The following LOXHD1 variants were observed in gnomAD, a reference collection of about 807,000 sequenced individuals.
LOXHD1 encodes the protein lipoxygenase homology domain-containing protein 1.
LOXHD1 carries 205 observed loss-of-function variants against 248.2 expected under a neutral mutation model. That is an observed-to-expected ratio of 0.83 (90% CI 0.74 to 0.93). The LOEUF (loss-of-function observed/expected upper bound fraction) is 0.93. Among genes scored for constraint, LOXHD1 ranks in the 40% least tolerant of loss-of-function variants. LOXHD1 has a pLI of 0.00. For synonymous variants in LOXHD1, 1,113 were observed against 1,162.8 expected, an observed-to-expected ratio of 0.96 and a Z score of 0.87; for missense variants, 2,930 against 2,971.6, an observed-to-expected ratio of 0.99 and a Z score of 0.33.
At chr18:46,555,009 G>T in intron 21 of LOXHD1, 2 of 351,638 alleles carry the variant, frequency 5.7e-6, no homozygotes, top group Non-Finnish European at 1.2e-5. Flanking sequence ...TATTTTTAAA[G>T]AATAATGAAG....
intron 4 of LOXHD1, among the ~76,000 whole-genome samples, chr18:46,629,280 A>T (rs1234370210): frequency 2.0e-5 from 3 of 152,184 alleles, no homozygotes. Flanking sequence ...GTATAGTCCC[A>T]TGTGCTTTCT....
chr18:46,581,496 C>T (rs916499999), intron 12 of LOXHD1, among the ~76,000 whole-genome samples: 2 of 152,010 alleles, frequency 1.3e-5, no homozygotes, highest in African/African-American at 2.4e-5. Flanking sequence ...GTCAAGATGG[C>T]AGCTGAATAT....
chr18:46,640,665 C>T (rs570597), intron 3 of LOXHD1, among the ~76,000 whole-genome samples: 1 of 152,122 alleles, frequency 6.6e-6, no homozygotes, highest in Admixed American at 6.5e-5. Context: ...CTTCAAAAAT[C>T]TGCAGTGTAT....
intron 35 of LOXHD1, among the ~76,000 whole-genome samples, chr18:46,508,462 G>A (rs2034728391): frequency 6.6e-6 from 1 of 152,152 alleles, no homozygotes; most frequent in Admixed American, 6.5e-5. Flanking sequence ...CCAGGGAACT[G>A]CCAGAAGCCA....
intron 4 of LOXHD1, among the ~76,000 whole-genome samples, chr18:46,626,578 T>C (rs1467572283): frequency 1.3e-5 from 2 of 152,148 alleles, no homozygotes; most frequent in Non-Finnish European, 2.9e-5. Context: ...AGAAGATGAT[T>C]TGAGGCTATA....
chr18:46,595,258 C>T (rs1397285315), intron 8 of LOXHD1, among the ~76,000 whole-genome samples: 1 of 152,172 alleles, frequency 6.6e-6, no homozygotes, highest in Non-Finnish European at 1.5e-5. Context: ...CTCATACTCA[C>T]TATTGACCAT....
chr18:46,552,385 G>T (rs554195684), intron 21 of LOXHD1, among the ~76,000 whole-genome samples: 1 of 152,280 alleles, frequency 6.6e-6, no homozygotes, highest in African/African-American at 2.4e-5. Flanking sequence ...CTTCCATTTA[G>T]AAACAAGAGC....
At chr18:46,486,786 G>A (rs370679463) in intron 38 of LOXHD1, among the ~76,000 whole-genome samples, 1 of 152,166 alleles carries the variant, frequency 6.6e-6, no homozygotes, top group Non-Finnish European at 1.5e-5. Flanking sequence ...TTCCTACATG[G>A]ATTGAAATGA....
At chr18:46,560,052 T>TCCCCCCC in intron 19 of LOXHD1, 31 bp downstream of exon 19, 6 of 441,130 alleles carry the variant, frequency 1.4e-5, no homozygotes, top group Non-Finnish European at 2.2e-5. Flanking sequence ...GGCCACTCCC[T>TCCCCCCC]CCCCACCCCC....
chr18:46,560,028 T>C (rs2037479390), intron 19 of LOXHD1, 55 bp downstream of exon 19: 1 of 1,504,600 alleles, frequency 6.6e-7, no homozygotes, highest in Non-Finnish European at 9.0e-7. Context: ...GGGCCCCCTT[T>C]AGGGGAACTG....
intron 2 of LOXHD1, 51 bp from the exon 3 acceptor site, chr18:46,642,087 T>C: frequency 6.7e-7 from 1 of 1,503,600 alleles, no homozygotes; most frequent in Middle Eastern, 1.7e-4. Context: ...CTCACAGGCC[T>C]GGGAGGAGAG....
intron 34 of LOXHD1, among the ~76,000 whole-genome samples, chr18:46,511,967 A>C (rs2034988599): frequency 6.6e-6 from 1 of 152,144 alleles, no homozygotes; most frequent in Non-Finnish European, 1.5e-5. Context: ...ATCTGATTTA[A>C]TCAACCCCCA....
intron 8 of LOXHD1, among the ~76,000 whole-genome samples, chr18:46,597,256 G>A (rs1207186812): frequency 6.6e-6 from 1 of 151,122 alleles, no homozygotes; most frequent in Non-Finnish European, 1.5e-5. Context: ...CACTATAAAA[G>A]GAAAAAATAG....
intron 14 of LOXHD1, among the ~76,000 whole-genome samples, chr18:46,573,271 G>A (rs73431108): frequency 0.011 from 1,624 of 152,144 alleles, 24 homozygotes; most frequent in African/African-American, 0.037. Context: ...CCCAGCTCTC[G>A]GCTGGTCATC....
chr18:46,485,201 T>C lies in LOXHD1; in HGVS notation c.6050-50A>G, dbSNP rs1294014662. 7.9e-6 allele frequency: 12 copies of C among 1,525,874 alleles called. No individual in the cohort carries two copies. The East Asian group carries it at 2.5e-4, about 32-fold the overall frequency. The allele number at this position is 1,525,874 out of a possible 1,614,324, so 94.5% of individuals were successfully genotyped here. On this transcript the variant is annotated intron_variant, in intron 38 of 40. Transcript: ENST00000642948. ...GTCAGCACAGGGGAAGCAGTGCCCGTCTTCAGGGCGGGAGCAAGAGGGTCA... is the reference window on the plus strand; with the variant it reads ...GTCAGCACAGGGGAAGCAGTGCCCGCCTTCAGGGCGGGAGCAAGAGGGTCA...
chr18:46,601,387 C>T lies in LOXHD1; in HGVS notation c.964G>A (p.Gly322Arg). ...CCACTGTTCTTATTCCCTCTGGCCC[C>T]ATACATGACCAAGTAGATTTTGGAT... is the stretch of plus-strand genomic sequence containing the variant. ...TKSKIYLVMY[G>R]ARGNKNSGKI... The change falls in exon 8 of 41, where the codon GGG becomes AGG. Residue 322 changes from glycine (G) to arginine (R), a missense_variant. Physicochemically the swap from Gly to Arg is moderately radical, Grantham distance 125. Transcript: ENST00000642948. The T allele has an allele frequency of 6.4e-7, 1 of 1,551,740 alleles. No individual in the cohort carries two copies. Among genetic ancestry groups the T allele is most frequent in the Non-Finnish European group, 8.7e-7 (1 of 1,147,006 alleles).
intron 4 of LOXHD1, among the ~76,000 whole-genome samples, chr18:46,635,407 C>T (rs328194): frequency 0.45 from 68,180 of 151,922 alleles, 15,448 homozygotes; most frequent in East Asian, 0.53. Flanking sequence ...TCATGTCCTA[C>T]GCAAGGGGCA....
chr18:46,483,788 C>G lies in LOXHD1; in HGVS notation c.6183-43G>C, dbSNP rs778972211. On this transcript the variant is annotated intron_variant, in intron 39 of 40. Coordinates refer to ENST00000642948, the MANE Select transcript of LOXHD1 (RefSeq NM_001384474.1). The stretch of plus-strand genomic sequence containing the variant: ...GTGGTCCATGAGCTGCCTTTGCCCA[C>G]TGAAGCAGGTAAGCATTTGTCGGGG... 6 of 1,537,806 alleles carry G rather than the reference C, an allele frequency of 3.9e-6. No homozygotes were observed. In the South Asian group the frequency reaches 7.3e-5, roughly 19 times the overall value.
At chr18:46,588,147 C>T (rs2038096582) in intron 12 of LOXHD1, among the ~76,000 whole-genome samples, 1 of 151,972 alleles carries the variant, frequency 6.6e-6, no homozygotes, top group South Asian at 2.1e-4. Flanking sequence ...TGTTAGAAAA[C>T]ATTCCAACCA....
Sources: allele counts gnomAD v4.1 joint callset (sites outside exome capture counted in the v4.1 genomes callset), GRCh38; gene constraint gnomAD v4.1.1; transcripts MANE v1.5; gene names NCBI Gene and HGNC (gene_info 2026-07-23, HGNC 2026-07-21).